FAF1: variants seen among roughly 807,000 people sequenced by gnomAD.
FAF1 encodes Fas associated factor 1.
Under a neutral mutation model 92.5 loss-of-function variants are expected in FAF1, and 25 were observed. The observed-to-expected ratio is 0.27, with a 90% CI of 0.20 to 0.38. The LOEUF (loss-of-function observed/expected upper bound fraction) is 0.38, where lower values mean the gene tolerates loss of function less well. Ranked by LOEUF, FAF1 falls within the 10% of genes least tolerant of loss-of-function variation. The pLI, the probability that FAF1 is intolerant of heterozygous loss-of-function variation, is 1.00. For synonymous variants in FAF1, 234 were observed against 273.2 expected (o/e 0.86, Z 1.42); for missense variants, 636 against 793.3 (o/e 0.80, Z 2.38).
chr1:50,958,144 A>AT (rs1645284563), intron 1 of FAF1, among the ~76,000 whole-genome samples: 1 of 152,282 alleles, frequency 6.6e-6, no homozygotes, highest in Non-Finnish European at 1.5e-5. Context: ...AATTTAATTA[A>AT]TTAATTAATT....
intron 1 of FAF1, among the ~76,000 whole-genome samples, chr1:50,902,515 T>C (rs543416092): frequency 5.5e-4 from 84 of 152,324 alleles, no homozygotes; most frequent in African/African-American, 1.9e-3. Context: ...TTAAATTACA[T>C]ATGTGGCTCA....
chr1:50,573,236 T>C lies in FAF1; in HGVS notation c.1114-6005A>G, dbSNP rs954299495. On this transcript the variant is annotated intron_variant, in intron 12 of 18. Coordinates refer to ENST00000396153, the MANE Select transcript of FAF1 (RefSeq NM_007051.3). ...GCCTCAGCCTCCTGAGTAGCTGAGA[T>C]TGCAGGCAGCTGCCACCATGCCCGG... 4.6e-5 allele frequency among the ~76,000 whole-genome samples: 7 copies of C among 151,892 alleles called. No homozygotes were observed. In the South Asian group the frequency reaches 6.2e-4, roughly 14 times the overall value.
intron 3 of FAF1, among the ~76,000 whole-genome samples, chr1:50,798,010 A>G (rs1468983825): frequency 2.6e-5 from 4 of 151,976 alleles, no homozygotes; most frequent in African/African-American, 9.7e-5. Flanking sequence ...GGAACTCTGC[A>G]CTTGTTTATT....
At chr1:50,766,565 T>G (rs972786797) in intron 4 of FAF1, among the ~76,000 whole-genome samples, 1 of 151,078 alleles carries the variant, frequency 6.6e-6, no homozygotes, top group Non-Finnish European at 1.5e-5. Flanking sequence ...AAGCAGATCT[T>G]TGGAGGGAAG....
At chr1:50,688,761 G>A (rs1406536191) in intron 7 of FAF1, among the ~76,000 whole-genome samples, 2 of 152,118 alleles carry the variant, frequency 1.3e-5, no homozygotes, top group African/African-American at 2.4e-5. Flanking sequence ...GCGGTGAGCC[G>A]AGATCGCGCC....
At chr1:50,805,539 G>A (rs1191491420) in intron 2 of FAF1, among the ~76,000 whole-genome samples, 2 of 152,006 alleles carry the variant, frequency 1.3e-5, no homozygotes, top group African/African-American at 4.8e-5. Flanking sequence ...GGAAGGAAAT[G>A]GCAAAAATTT....
At chr1:50,520,675 C>A (rs1647452806) in intron 15 of FAF1, among the ~76,000 whole-genome samples, 1 of 152,006 alleles carries the variant, frequency 6.6e-6, no homozygotes, top group South Asian at 2.1e-4. Flanking sequence ...GATGAAACCC[C>A]AACTCTACTA....
intron 6 of FAF1, among the ~76,000 whole-genome samples, chr1:50,733,089 T>C (rs1275988736): frequency 6.6e-6 from 1 of 152,210 alleles, no homozygotes; most frequent in Non-Finnish European, 1.5e-5. Flanking sequence ...TCGTATCTAC[T>C]TGTGATTTAT....
intron 2 of FAF1, among the ~76,000 whole-genome samples, chr1:50,854,445 T>TA (rs950274321): frequency 1.3e-5 from 2 of 151,978 alleles, no homozygotes; most frequent in Admixed American, 1.3e-4. Flanking sequence ...TGAAAAATGG[T>TA]AACAGTCAGA....
chr1:50,712,014 GTTAC>G (rs767168748), intron 6 of FAF1, among the ~76,000 whole-genome samples: 1 of 152,158 alleles, frequency 6.6e-6, no homozygotes, highest in Non-Finnish European at 1.5e-5. Context: ...GGAAACTGAT[GTTAC>G]TTACTTAATT....
chr1:50,887,209 C>T (rs1288652818), intron 1 of FAF1, among the ~76,000 whole-genome samples: 3 of 152,146 alleles, frequency 2.0e-5, no homozygotes, highest in Admixed American at 2.0e-4. Context: ...CATCCTTCGC[C>T]CACTTGTTGA....
chr1:50,633,389 T>C (rs1163961037), intron 8 of FAF1, among the ~76,000 whole-genome samples: 1 of 152,160 alleles, frequency 6.6e-6, no homozygotes, highest in Admixed American at 6.5e-5. Context: ...ATCTCCACAA[T>C]AATAAGAACT....
intron 17 of FAF1, among the ~76,000 whole-genome samples, chr1:50,484,027 A>G (rs1223613696): frequency 6.6e-6 from 1 of 152,126 alleles, no homozygotes; most frequent in Non-Finnish European, 1.5e-5. Context: ...GAAAGGGAGG[A>G]GCTGGAAATA....
intron 8 of FAF1, chr1:50,612,278 A>G: frequency 1.1e-6 from 1 of 919,960 alleles, no homozygotes; most frequent in Non-Finnish European, 1.5e-6. Context: ...CAATCACAAC[A>G]AATTCAGAGA....
intron 1 of FAF1, among the ~76,000 whole-genome samples, chr1:50,908,386 A>G (rs919959309): frequency 2.6e-5 from 4 of 152,066 alleles, no homozygotes; most frequent in Non-Finnish European, 4.4e-5. Context: ...TGTCTATTAG[A>G]TCTGCTTGGT....
At chr1:50,448,397 G>C (rs1646254057) in intron 18 of FAF1, among the ~76,000 whole-genome samples, 1 of 152,082 alleles carries the variant, frequency 6.6e-6, no homozygotes, top group Non-Finnish European at 1.5e-5. Flanking sequence ...CAGAGTTGTT[G>C]TGAGGGTCAA....
intron 1 of FAF1, among the ~76,000 whole-genome samples, chr1:50,870,801 C>T (rs962093850): frequency 2.0e-5 from 3 of 152,200 alleles, no homozygotes; most frequent in African/African-American, 2.4e-5. Context: ...AATATTGAAA[C>T]GAGGCCAATT....
chr1:50,494,439 T>C lies in FAF1; in HGVS notation c.1495-2638A>G, dbSNP rs577995571. Among the ~76,000 whole-genome samples the C allele has an allele frequency of 2.2e-4, 34 of 152,262 alleles. No individual in the cohort carries two copies. In the South Asian group the frequency reaches 3.1e-3, roughly 14 times the overall value. The stretch of plus-strand genomic sequence containing the variant: ...ATCTAAGAGGACACATCAAAGTAAC[T>C]AGAAATTTTTACACATCGATTGGGT... On this transcript the variant is annotated intron_variant, in intron 15 of 18. Transcript: ENST00000396153.
chr1:50,951,815 A>G lies in FAF1; in HGVS notation c.45+7952T>C, dbSNP rs369794125. ...TCCCTAATCCGCAACATCACAAAAG[A>G]TATCTGTTTGGATCAATACCATTTC... On this transcript the variant is annotated intron_variant, in intron 1 of 18. Transcript: ENST00000396153. Among the ~76,000 whole-genome samples, 4 of 152,280 alleles carry G rather than the reference A, an allele frequency of 2.6e-5. No homozygotes were observed. In the East Asian group the frequency reaches 7.7e-4, roughly 29 times the overall value.
Sources: allele counts gnomAD v4.1 joint callset (sites outside exome capture counted in the v4.1 genomes callset), GRCh38; gene constraint gnomAD v4.1.1; transcripts MANE v1.5; gene names NCBI Gene and HGNC (gene_info 2026-07-23, HGNC 2026-07-21).